Variants in CLSTN1 observed in about 807,000 individuals in gnomAD.
CLSTN1 encodes the protein calsyntenin 1, also known as calsyntenin-1.
A neutral mutation model predicts 108.3 loss-of-function variants in CLSTN1; 28 were observed. The ratio of observed to expected loss-of-function variants is 0.26; its 90% CI spans 0.19 to 0.35. The LOEUF (loss-of-function observed/expected upper bound fraction) is 0.35, where lower values mean the gene tolerates loss of function less well. Ranked by LOEUF, CLSTN1 falls within the 10% of genes least tolerant of loss-of-function variation. The pLI, the probability that CLSTN1 is intolerant of heterozygous loss-of-function variation, is 1.00. For synonymous variants in CLSTN1, 524 were observed against 534.9 expected (o/e 0.98, Z 0.28); for missense variants, 1,157 against 1,302.6 (o/e 0.89, Z 1.72).
chr1:9,784,539 T>G (rs1653395117), intron 1 of CLSTN1, among the ~76,000 whole-genome samples: 1 of 151,884 alleles, frequency 6.6e-6, no homozygotes, highest in Non-Finnish European at 1.5e-5. Flanking sequence ...CAAACAAGAG[T>G]GTGATGTGTG....
intron 1 of CLSTN1, among the ~76,000 whole-genome samples, chr1:9,808,047 G>A (rs112449933): frequency 1.3e-3 from 205 of 152,258 alleles, no homozygotes; most frequent in African/African-American, 4.7e-3. Flanking sequence ...CTTAACCAGC[G>A]CCTCACCGCT....
chr1:9,806,589 T>C (rs961626249), intron 1 of CLSTN1, among the ~76,000 whole-genome samples: 4 of 152,052 alleles, frequency 2.6e-5, no homozygotes, highest in Middle Eastern at 6.8e-3. Context: ...TCTATAAAAA[T>C]AGACACGAGG....
chr1:9,733,872 T>C, intron 15 of CLSTN1, 100 bp downstream of exon 15: 7 of 1,272,552 alleles, frequency 5.5e-6, no homozygotes, highest in Non-Finnish European at 7.7e-6. Flanking sequence ...CCCTCTAAGA[T>C]AACTCAACAT....
chr1:9,744,957 T>C lies in CLSTN1; in HGVS notation c.986-314A>G, dbSNP rs1018301878. Reference sequence around the variant, plus strand: ...TCAGGAGAGCCGGAGTTTCACCATGTTGGCCAGGCTGGCCTGGAACTCCTG... The same window carrying C: ...TCAGGAGAGCCGGAGTTTCACCATGCTGGCCAGGCTGGCCTGGAACTCCTG... On this transcript the variant is annotated intron_variant, in intron 7 of 18. Transcript: ENST00000377298. 7.9e-5 allele frequency among the ~76,000 whole-genome samples: 12 copies of C among 152,136 alleles called. 1 individual carries two copies. The highest frequency in any genetic ancestry group is 2.9e-4 in the African/African-American group (12 of 41,440).
Position 9,732,352 on chromosome 1 carries a change from C to T in CLSTN1, c.2428-456G>A, listed in dbSNP as rs137942203. Among the ~76,000 whole-genome samples the T allele has an allele frequency of 1.1e-4, 16 of 152,246 alleles. 1 individual carries two copies. The East Asian group carries it at 2.3e-3, about 22-fold the overall frequency. On this transcript the variant is annotated intron_variant, in intron 16 of 18. Transcript: ENST00000377298. ...TAGCTGGGACTACAGGCAAGCACCACGCACCTGGCTGCAATCCATTTTTAT... is the reference window on the plus strand; with the variant it reads ...TAGCTGGGACTACAGGCAAGCACCATGCACCTGGCTGCAATCCATTTTTAT...
At position 9,804,577 on chromosome 1, in the gene CLSTN1, G is replaced by A. The variant is rs921913153; in HGVS notation, c.91+19066C>T. Among the ~76,000 whole-genome samples, 4 of 152,006 alleles carry A rather than the reference G, an allele frequency of 2.6e-5. No individual in the cohort carries two copies. The South Asian group carries it at 6.2e-4, about 24-fold the overall frequency. ...AAAGCAAGGAGTGGCAGGAGCTGTG[G>A]CTCACACCAATCATCCCAGCACTTT... On this transcript the variant is annotated intron_variant, in intron 1 of 18. Transcript: ENST00000377298.
intron 2 of CLSTN1, among the ~76,000 whole-genome samples, chr1:9,763,947 G>T (rs1029281400): frequency 6.6e-6 from 1 of 152,150 alleles, no homozygotes; most frequent in East Asian, 1.9e-4. Flanking sequence ...CTGAGGCTGT[G>T]TAAGTTATAA....
chr1:9,737,139 C>G (rs552560567), intron 11 of CLSTN1, among the ~76,000 whole-genome samples: 1 of 152,198 alleles, frequency 6.6e-6, no homozygotes, highest in Non-Finnish European at 1.5e-5. Context: ...TATCTAGAAA[C>G]AAGTCTTTTC....
At chr1:9,777,125 CAGG>C (rs1440596349) in intron 1 of CLSTN1, among the ~76,000 whole-genome samples, 1 of 148,988 alleles carries the variant, frequency 6.7e-6, no homozygotes, top group East Asian at 2.0e-4. Flanking sequence ...GCGGCTGAGG[CAGG>C]AGAATTGCTT....
chr1:9,751,283 GAGA>G (rs1651544800), intron 5 of CLSTN1, among the ~76,000 whole-genome samples, 187 bp downstream of exon 5: 1 of 152,174 alleles, frequency 6.6e-6, no homozygotes, highest in Admixed American at 6.6e-5. Context: ...ACAGGTTCCA[GAGA>G]AGAAGTTGTC....
chr1:9,767,664 CCCT>C (rs1390479816), intron 2 of CLSTN1, among the ~76,000 whole-genome samples: 6 of 152,166 alleles, frequency 3.9e-5, no homozygotes, highest in African/African-American at 1.4e-4. Context: ...ACCATCACCA[CCCT>C]CCTCCTCAAC....
intron 7 of CLSTN1, among the ~76,000 whole-genome samples, chr1:9,747,563 C>CA: frequency 6.6e-6 from 1 of 152,054 alleles, no homozygotes; most frequent in East Asian, 2.0e-4. Flanking sequence ...AGAGTAGTGG[C>CA]ACACTCTTGG....
chr1:9,741,326 C>A lies in CLSTN1; in HGVS notation c.1357-70G>T, dbSNP rs1296663296. The A allele has an allele frequency of 6.9e-6, 10 of 1,449,506 alleles. No homozygotes were observed. In the South Asian group the frequency reaches 1.3e-4, roughly 18 times the overall value. The allele number at this position is 1,449,506 out of a possible 1,614,324, so 89.8% of individuals were successfully genotyped here. On this transcript the variant is annotated intron_variant, in intron 9 of 18. Transcript: ENST00000377298. ...CCTTCTCATCAATGCCCATGGAAAC[C>A]AAGTCACCCAACACAAGGGTCTTCC...
chr1:9,739,234 C>T (rs1650848638), intron 10 of CLSTN1, among the ~76,000 whole-genome samples: 1 of 152,190 alleles, frequency 6.6e-6, no homozygotes, highest in African/African-American at 2.4e-5. Context: ...GCAACTTTGT[C>T]ACCAATAGAA....
rs200411041 is a variant in CLSTN1, at chr1:9,751,458, C to A, written c.649+15G>T. ...ACTGTCTACCTAGCTGAAAAGCCGG[C>A]TCCTCGATTCTTACCATCTTTGTCA... On this transcript the variant is annotated intron_variant, in intron 5 of 18. Transcript: ENST00000377298. The A allele has an allele frequency of 1.2e-6, 2 of 1,613,366 alleles. No individual in the cohort carries two copies. Among genetic ancestry groups the A allele is most frequent in the Admixed American group, 3.3e-5 (2 of 59,980 alleles).
intron 9 of CLSTN1, among the ~76,000 whole-genome samples, chr1:9,742,120 T>TA (rs1174374487): frequency 1.6e-4 from 24 of 152,344 alleles, no homozygotes; most frequent in African/African-American, 5.3e-4. Context: ...ATCTGGGTCG[T>TA]AACTCAAACA....
intron 1 of CLSTN1, among the ~76,000 whole-genome samples, chr1:9,811,047 C>T (rs78362654): frequency 6.6e-5 from 10 of 152,278 alleles, no homozygotes; most frequent in African/African-American, 2.4e-4. Context: ...CTTCTAAGAA[C>T]ACTCAGAAAA....
intron 1 of CLSTN1, among the ~76,000 whole-genome samples, chr1:9,805,483 G>A (rs1654465865): frequency 6.6e-6 from 1 of 152,218 alleles, no homozygotes; most frequent in Middle Eastern, 3.4e-3. Context: ...CTCTTAAGTT[G>A]GACATTAATG....
intron 1 of CLSTN1, among the ~76,000 whole-genome samples, chr1:9,774,139 C>A (rs191621251): frequency 2.0e-5 from 3 of 152,044 alleles, no homozygotes; most frequent in Admixed American, 2.0e-4. Context: ...CCGCACCCAG[C>A]TGCCCAATAT....
Sources: allele counts gnomAD v4.1 joint callset (sites outside exome capture counted in the v4.1 genomes callset), GRCh38; gene constraint gnomAD v4.1.1; transcripts MANE v1.5; gene names NCBI Gene and HGNC (gene_info 2026-07-23, HGNC 2026-07-21).